Variants in NCKAP5 observed in about 807,000 individuals in gnomAD.
NCKAP5 encodes the protein NCK associated protein 5, also known as nck-associated protein 5.
Under a neutral mutation model 167.0 loss-of-function variants are expected in NCKAP5, and 92 were observed. That is an observed-to-expected ratio of 0.55 (90% CI 0.47 to 0.66). The LOEUF is 0.66. NCKAP5 is among the 30% of genes least tolerant of loss of function. The pLI, the probability that NCKAP5 is intolerant of heterozygous loss-of-function variation, is 0.00. For synonymous variants in NCKAP5, 891 were observed against 877.4 expected, an observed-to-expected ratio of 1.02 and a Z score of -0.27; for missense variants, 2,378 against 2,315.0, an observed-to-expected ratio of 1.03 and a Z score of -0.56.
At chr2:133,568,902 T>C (rs914024406), upstream of NCKAP5, among the ~76,000 whole-genome samples, 90 of 152,326 alleles carry the variant, frequency 5.9e-4, 1 homozygote, top group African/African-American at 2.0e-3. Flanking sequence ...ACATTTTTCC[T>C]AGATAGATTG....
At chr2:132,871,230 C>T (rs1690788041) in intron 9 of NCKAP5, among the ~76,000 whole-genome samples, 1 of 152,172 alleles carries the variant, frequency 6.6e-6, no homozygotes, top group East Asian at 1.9e-4. Context: ...TAGTGAAAGT[C>T]AGTTTTCCAG....
chr2:133,374,646 G>A (rs1346270188), intron 3 of NCKAP5, among the ~76,000 whole-genome samples: 1 of 151,868 alleles, frequency 6.6e-6, no homozygotes, highest in African/African-American at 2.4e-5. Flanking sequence ...TTGGTGATGG[G>A]GAGAAGTGCG....
intron 2 of NCKAP5, among the ~76,000 whole-genome samples, chr2:133,543,139 A>C (rs1364226789): frequency 6.6e-6 from 1 of 152,166 alleles, no homozygotes; most frequent in African/African-American, 2.4e-5. Flanking sequence ...CTGTCCTTGC[A>C]GTAATGTGTG....
chr2:133,081,971 T>C (rs2080825323), intron 6 of NCKAP5, among the ~76,000 whole-genome samples: 1 of 152,104 alleles, frequency 6.6e-6, no homozygotes, highest in African/African-American at 2.4e-5. Flanking sequence ...GTGTACAGAT[T>C]ATTTCTTTAT....
At chr2:132,832,857 G>C (rs1687619325) in intron 11 of NCKAP5, among the ~76,000 whole-genome samples, 1 of 152,074 alleles carries the variant, frequency 6.6e-6, no homozygotes, top group South Asian at 2.1e-4. Flanking sequence ...TTTGTATACG[G>C]ATTTATTTTC....
At chr2:133,077,972 T>C (rs961772571) in intron 6 of NCKAP5, among the ~76,000 whole-genome samples, 3 of 152,126 alleles carry the variant, frequency 2.0e-5, no homozygotes, top group Non-Finnish European at 2.9e-5. Flanking sequence ...GTCTTCGGCT[T>C]CTCTGAAGAA....
At chr2:133,663,004 C>T in the NCKAP5 span, among the ~76,000 whole-genome samples, 2 of 152,234 alleles carry the variant, frequency 1.3e-5, no homozygotes, top group African/African-American at 2.4e-5. Flanking sequence ...CGGTGGCTCA[C>T]GCCTGTAATC....
At chr2:132,980,373 G>A (rs923548844) in intron 7 of NCKAP5, among the ~76,000 whole-genome samples, 11 of 152,068 alleles carry the variant, frequency 7.2e-5, no homozygotes, top group Non-Finnish European at 1.0e-4. Flanking sequence ...CCACACCCCA[G>A]ACCCATTAAA....
At chr2:133,452,440 C>T (rs1691607165) in intron 3 of NCKAP5, among the ~76,000 whole-genome samples, 1 of 152,164 alleles carries the variant, frequency 6.6e-6, no homozygotes, top group Admixed American at 6.5e-5. Flanking sequence ...AATCCACATG[C>T]TATAAATTTA....
chr2:132,718,181 C>A (rs1304748566), intron 19 of NCKAP5, among the ~76,000 whole-genome samples: 1 of 152,150 alleles, frequency 6.6e-6, no homozygotes, highest in Non-Finnish European at 1.5e-5. Context: ...CTAGCAGTGA[C>A]CTGGACACAG....
At chr2:133,341,248 C>A (rs552077218) in intron 3 of NCKAP5, among the ~76,000 whole-genome samples, 11 of 151,786 alleles carry the variant, frequency 7.2e-5, no homozygotes, top group African/African-American at 2.7e-4. Context: ...TCAGACACAG[C>A]ACCTATCTTT....
At chr2:133,136,494 G>A (rs186341341) in intron 5 of NCKAP5, among the ~76,000 whole-genome samples, 8 of 152,300 alleles carry the variant, frequency 5.3e-5, no homozygotes, top group African/African-American at 1.4e-4. Context: ...AGTGTCATGA[G>A]GTACCAGCTC....
chr2:133,610,190 G>A, the NCKAP5 span, among the ~76,000 whole-genome samples: 3 of 152,104 alleles, frequency 2.0e-5, no homozygotes, highest in Non-Finnish European at 4.4e-5. Context: ...AGAACACAAT[G>A]GGGTGATTTC....
intron 2 of NCKAP5, among the ~76,000 whole-genome samples, chr2:133,539,496 T>G (rs1368815500): frequency 6.6e-6 from 1 of 150,926 alleles, no homozygotes; most frequent in Non-Finnish European, 1.5e-5. Context: ...AAACTGACAG[T>G]AAAAAGAAAT....
At chr2:133,643,409 T>C in the NCKAP5 span, among the ~76,000 whole-genome samples, 1 of 152,184 alleles carries the variant, frequency 6.6e-6, no homozygotes, top group African/African-American at 2.4e-5. Context: ...CTCTTCCTCC[T>C]GTTTCCTATT....
chr2:133,669,470 G>A, the NCKAP5 span, among the ~76,000 whole-genome samples: 19 of 152,106 alleles, frequency 1.2e-4, no homozygotes, highest in South Asian at 3.9e-3. Context: ...CATGTATATT[G>A]TTGTCAGGTA....
chr2:132,951,244 A>G, intron 8 of NCKAP5, among the ~76,000 whole-genome samples: 1 of 152,190 alleles, frequency 6.6e-6, no homozygotes, highest in East Asian at 1.9e-4. Flanking sequence ...TCTGAAAGGG[A>G]GGCTGAGCCT....
At chr2:132,813,752 A>G (rs1686060891) in intron 11 of NCKAP5, among the ~76,000 whole-genome samples, 1 of 152,216 alleles carries the variant, frequency 6.6e-6, no homozygotes, top group Non-Finnish European at 1.5e-5. Context: ...CAAAGAAGGG[A>G]AAATGCAATG....
rs1276757059 is a variant in NCKAP5, at chr2:132,937,286, G to A, written c.579+26434C>T. On this transcript the variant is annotated intron_variant, in intron 8 of 19. Coordinates refer to ENST00000409261, the MANE Select transcript of NCKAP5 (RefSeq NM_207363.3). ...TCTGAGGGAATATGCACGGAACAACGACCGCATTTGCTGGAGATGCTTACA... is the reference window on the plus strand; with the variant it reads ...TCTGAGGGAATATGCACGGAACAACAACCGCATTTGCTGGAGATGCTTACA... Among the ~76,000 whole-genome samples, 5 of 152,268 alleles carry A rather than the reference G, an allele frequency of 3.3e-5. No homozygotes were observed. In the East Asian group the frequency reaches 5.8e-4, roughly 18 times the overall value.
Sources: gnomAD v4.1 joint callset for allele counts (sites outside exome capture counted in the v4.1 genomes callset) on GRCh38, gnomAD v4.1.1 for gene constraint, MANE v1.5 for transcripts, NCBI Gene and HGNC (gene_info 2026-07-23, HGNC 2026-07-21) for gene names.